The following ARID2 variants were observed in gnomAD, a reference collection of about 807,000 sequenced individuals.
The protein encoded by ARID2 is AT-rich interactive domain-containing protein 2.
Under a neutral mutation model 184.6 loss-of-function variants are expected in ARID2, and 32 were observed. The ratio of observed to expected loss-of-function variants is 0.17; its 90% CI spans 0.13 to 0.23. The LOEUF (loss-of-function observed/expected upper bound fraction) is 0.23. Ranked by LOEUF, ARID2 falls within the 10% of genes least tolerant of loss-of-function variation. The pLI is 1.00. For missense variants in ARID2, 1,696 were observed against 2,197.6 expected, an observed-to-expected ratio of 0.77 and a Z score of 4.56; for synonymous variants, 836 against 772.6, an observed-to-expected ratio of 1.08 and a Z score of -1.36.
intron 11 of ARID2, among the ~76,000 whole-genome samples, chr12:45,844,986 C>T (rs1013512959): frequency 2.0e-5 from 3 of 152,182 alleles, no homozygotes; most frequent in Non-Finnish European, 4.4e-5. Context: ...AGTTGAGTAT[C>T]TGGAAATTGA....
intron 6 of ARID2, among the ~76,000 whole-genome samples, chr12:45,834,572 A>C (rs1027416112): frequency 3.9e-5 from 6 of 152,128 alleles, no homozygotes; most frequent in Non-Finnish European, 7.4e-5. Flanking sequence ...GTGAAACCCC[A>C]TCTCTCCTAA....
chr12:45,804,980 T>C (rs1942574348), intron 3 of ARID2, among the ~76,000 whole-genome samples: 1 of 152,138 alleles, frequency 6.6e-6, no homozygotes, highest in Non-Finnish European at 1.5e-5. Flanking sequence ...CATTTTGTTG[T>C]TGATGGCTGT....
In ARID2 at chr12:45,850,151, T is replaced by C. The variant is rs1236815052; in HGVS notation, c.2028T>C (p.Thr676=). 8 of 1,614,030 alleles carry C rather than the reference T, an allele frequency of 5.0e-6. No homozygotes were observed. The Admixed American group carries it at 8.3e-5, about 17-fold the overall frequency. Residue 676 remains threonine (T), a synonymous_variant, in exon 15 of 21, where the codon ACT becomes ACC. Transcript: ENST00000334344. The part of the protein sequence containing the change: ...QMSFPVQGVH[T]VAQTVSRIPQ... ...CTTTTCCTGTACAAGGTGTTCATAC[T>C]GTGGCACAAACTGTTTCAAGAATTC...
rs768264218 is a variant in ARID2 at position 45,849,567 on chromosome 12, A to G, written c.1716-13A>G. On this transcript the variant is annotated splice_polypyrimidine_tract_variant and intron_variant, in intron 13 of 20. Coordinates refer to ENST00000334344, the MANE Select transcript of ARID2 (RefSeq NM_152641.4). ...AGTTATCAAAACTTACTGATTATGT[A>G]TGTACTTTACAGAACGGTCTTTCCA... 2.5e-6 allele frequency: 4 copies of G among 1,602,004 alleles called. No individual in the cohort carries two copies. The highest frequency in any genetic ancestry group is 2.2e-5 in the South Asian group (2 of 89,350).
At chr12:45,872,041 T>C (rs1292104328) in intron 16 of ARID2, among the ~76,000 whole-genome samples, 1 of 152,086 alleles carries the variant, frequency 6.6e-6, no homozygotes, top group Admixed American at 6.5e-5. Context: ...ATGTATTTTA[T>C]TGAATTTTTT....
intron 3 of ARID2, among the ~76,000 whole-genome samples, chr12:45,739,437 A>ATTTTTTTTTTTTT (rs1941203601): frequency 1.8e-5 from 1 of 55,760 alleles, no homozygotes; most frequent in Non-Finnish European, 3.5e-5. Flanking sequence ...ATATAAAGTT[A>ATTTTTTTTTTTTT]CTTTTTTTTT....
intron 16 of ARID2, among the ~76,000 whole-genome samples, chr12:45,888,009 C>T (rs1433549448): frequency 1.3e-5 from 2 of 152,112 alleles, no homozygotes; most frequent in Non-Finnish European, 2.9e-5. Context: ...TCCTGGCTAA[C>T]ACGGTGAAAC....
intron 3 of ARID2, among the ~76,000 whole-genome samples, chr12:45,784,967 G>A (rs927354420): frequency 1.3e-5 from 2 of 152,150 alleles, no homozygotes; most frequent in Admixed American, 1.3e-4. Context: ...CACACAGCTC[G>A]TTAAGAAGCT....
At chr12:45,858,955 C>T (rs1156838841) in intron 15 of ARID2, among the ~76,000 whole-genome samples, 2 of 152,212 alleles carry the variant, frequency 1.3e-5, no homozygotes, top group Non-Finnish European at 2.9e-5. Context: ...AAGTTCTTGA[C>T]TTCCCATTTC....
At position 45,817,901 on chromosome 12, in the gene ARID2, C is replaced by T; in HGVS notation, c.637+13C>T. 2 of 1,600,100 alleles carry T rather than the reference C, an allele frequency of 1.2e-6. No homozygotes were observed. The highest frequency in any genetic ancestry group is 1.1e-5 in the South Asian group (1 of 88,770). On this transcript the variant is annotated intron_variant, in intron 5 of 20. Coordinates refer to ENST00000334344, the MANE Select transcript of ARID2 (RefSeq NM_152641.4). ...GTGTTTGACGACAGTAAGTTTTAAGCTGAATGTATTATATAATTCTTCTGT... is the reference window on the plus strand; with the variant it reads ...GTGTTTGACGACAGTAAGTTTTAAGTTGAATGTATTATATAATTCTTCTGT...
At chr12:45,849,925 A>G in intron 14 of ARID2, 111 bp from the exon 15 acceptor site, 1 of 1,449,086 alleles carries the variant, frequency 6.9e-7, no homozygotes, top group Non-Finnish European at 9.1e-7. Flanking sequence ...ATATGATTCA[A>G]AATTGTTAGA....
chr12:45,902,942 A>G (rs1944477787), intron 20 of ARID2, among the ~76,000 whole-genome samples: 2 of 152,234 alleles, frequency 1.3e-5, no homozygotes, highest in African/African-American at 4.8e-5. Flanking sequence ...ATAAAACAGA[A>G]GTGTAAAGTT....
chr12:45,758,812 A>G (rs1941619312), intron 3 of ARID2, among the ~76,000 whole-genome samples: 1 of 152,168 alleles, frequency 6.6e-6, no homozygotes, highest in Non-Finnish European at 1.5e-5. Context: ...GTACACCTTG[A>G]AAGTTGTATA....
At chr12:45,891,094 G>C (rs1210071129) in intron 16 of ARID2, among the ~76,000 whole-genome samples, 1 of 151,858 alleles carries the variant, frequency 6.6e-6, no homozygotes, top group East Asian at 1.9e-4. Context: ...GAACCCAGGA[G>C]GTGGAGGTTG....
At chr12:45,904,534 T>C (rs949065653) in intron 20 of ARID2, 2 of 437,062 alleles carry the variant, frequency 4.6e-6, no homozygotes, top group South Asian at 6.5e-5. Flanking sequence ...CTACTAAAAA[T>C]ACAAAAATTA....
At chr12:45,763,599 A>G (rs1405697013) in intron 3 of ARID2, among the ~76,000 whole-genome samples, 2 of 152,104 alleles carry the variant, frequency 1.3e-5, no homozygotes, top group Non-Finnish European at 2.9e-5. Flanking sequence ...ACTCTGCTCA[A>G]GGGATCATCC....
chr12:45,733,691 A>G (rs1378887085), intron 3 of ARID2, among the ~76,000 whole-genome samples: 1 of 152,218 alleles, frequency 6.6e-6, no homozygotes, highest in African/African-American at 2.4e-5. Context: ...ATATATCTTC[A>G]TAATATTACA....
At chr12:45,784,929 A>T (rs547353120) in intron 3 of ARID2, among the ~76,000 whole-genome samples, 2 of 152,296 alleles carry the variant, frequency 1.3e-5, no homozygotes, top group Admixed American at 6.5e-5. Flanking sequence ...GAAATTGTGG[A>T]TTTAAAAGTT....
intron 6 of ARID2, 136 bp downstream of exon 6, chr12:45,821,623 C>T (rs997037846): frequency 2.3e-5 from 10 of 431,232 alleles, no homozygotes; most frequent in African/African-American, 1.0e-4. Context: ...CCATACACAA[C>T]GATTTTAAAG....
Sources: allele counts gnomAD v4.1 joint callset (sites outside exome capture counted in the v4.1 genomes callset), GRCh38; gene constraint gnomAD v4.1.1; transcripts MANE v1.5; gene names NCBI Gene and HGNC (gene_info 2026-07-23, HGNC 2026-07-21).